Variants in COL24A1 observed in about 807,000 individuals in gnomAD.
COL24A1 encodes the protein collagen alpha-1(XXIV) chain.
In COL24A1, 224 loss-of-function variants were observed where a neutral mutation model predicts 253.9. The ratio of observed to expected loss-of-function variants is 0.88; its 90% CI spans 0.79 to 0.99. The LOEUF is 0.99. Among genes scored for constraint, COL24A1 ranks in the 50% least tolerant of loss-of-function variants. The pLI is 0.00. For missense variants in COL24A1, 2,131 were observed against 2,068.5 expected, an observed-to-expected ratio of 1.03 and a Z score of -0.59; for synonymous variants, 685 against 673.7, an observed-to-expected ratio of 1.02 and a Z score of -0.26.
chr1:85,787,380 C>T (rs1044969297), intron 47 of COL24A1, among the ~76,000 whole-genome samples: 1 of 152,142 alleles, frequency 6.6e-6, no homozygotes, highest in African/African-American at 2.4e-5. Context: ...CCACCTCCAC[C>T]AACAGGCCCC....
At chr1:85,836,355 A>G (rs1676005292) in intron 43 of COL24A1, among the ~76,000 whole-genome samples, 1 of 152,200 alleles carries the variant, frequency 6.6e-6, no homozygotes, top group Non-Finnish European at 1.5e-5. Flanking sequence ...ATGTCACTGA[A>G]TTGTAAAGTT....
At chr1:85,774,595 C>G (rs1668328994) in intron 53 of COL24A1, among the ~76,000 whole-genome samples, 1 of 152,086 alleles carries the variant, frequency 6.6e-6, no homozygotes, top group South Asian at 2.1e-4. Flanking sequence ...CTGGTTTAGT[C>G]TTGAGAGGGT....
intron 23 of COL24A1, among the ~76,000 whole-genome samples, chr1:85,963,786 A>G (rs1691299745): frequency 6.6e-6 from 1 of 152,204 alleles, no homozygotes; most frequent in Non-Finnish European, 1.5e-5. Flanking sequence ...AAGTATATAC[A>G]TAAATGAGAT....
chr1:85,896,478 C>T, intron 28 of COL24A1, 69 bp from the exon 29 acceptor site: 2 of 1,291,288 alleles, frequency 1.5e-6, no homozygotes, highest in Non-Finnish European at 2.2e-6. Context: ...AGTTATGTGT[C>T]CTCACAGATG....
intron 10 of COL24A1, among the ~76,000 whole-genome samples, chr1:86,052,831 G>T (rs1471470921): frequency 6.6e-6 from 1 of 151,940 alleles, no homozygotes; most frequent in Non-Finnish European, 1.5e-5. Context: ...CTTTTGGAAG[G>T]TTTTATTTCC....
chr1:85,814,869 A>G (rs1672903456), intron 47 of COL24A1, among the ~76,000 whole-genome samples: 2 of 152,202 alleles, frequency 1.3e-5, no homozygotes, highest in Non-Finnish European at 2.9e-5. Context: ...ACTCATATAT[A>G]GGATACTGGT....
intron 32 of COL24A1, among the ~76,000 whole-genome samples, chr1:85,885,397 A>ATATT (rs60994639): frequency 5.9e-4 from 76 of 128,912 alleles, no homozygotes; most frequent in African/African-American, 2.1e-3. Flanking sequence ...ATATATATAT[A>ATATT]TTTTTTTTTT....
intron 24 of COL24A1, among the ~76,000 whole-genome samples, chr1:85,957,284 C>A (rs982780338): frequency 2.0e-5 from 3 of 152,062 alleles, no homozygotes; most frequent in African/African-American, 7.2e-5. Flanking sequence ...GTGCAGCAAA[C>A]CACCATGGCA....
At chr1:86,069,997 A>G (rs901400232) in intron 7 of COL24A1, among the ~76,000 whole-genome samples, 4 of 152,230 alleles carry the variant, frequency 2.6e-5, no homozygotes, top group Non-Finnish European at 4.4e-5. Context: ...CACGGGGCCA[A>G]TTCTTGAGAA....
intron 5 of COL24A1, among the ~76,000 whole-genome samples, chr1:86,101,345 A>T (rs1190013568): frequency 6.6e-6 from 1 of 151,872 alleles, no homozygotes; most frequent in Non-Finnish European, 1.5e-5. Flanking sequence ...GGATAGTTTG[A>T]CTCCCTCTCT....
intron 19 of COL24A1, among the ~76,000 whole-genome samples, chr1:85,988,465 A>G (rs1027677079): frequency 6.6e-6 from 1 of 151,836 alleles, no homozygotes; most frequent in Non-Finnish European, 1.5e-5. Context: ...TCAGATTAAA[A>G]CTCTTGCTGA....
At chr1:86,112,455 A>C in intron 5 of COL24A1, 112 bp downstream of exon 5, 9 of 853,970 alleles carry the variant, frequency 1.1e-5, no homozygotes, top group East Asian at 2.6e-5. Context: ...TGGAGGTGAC[A>C]GAGATCCTTG....
intron 18 of COL24A1, among the ~76,000 whole-genome samples, chr1:86,021,084 C>T (rs1006129932): frequency 7.2e-5 from 11 of 152,072 alleles, no homozygotes; most frequent in Non-Finnish European, 7.4e-5. Context: ...GGGTAAAGTT[C>T]TGTAATTTAA....
chr1:85,770,993 G>A (rs6698578), intron 53 of COL24A1, among the ~76,000 whole-genome samples: 35,654 of 152,112 alleles, frequency 0.23, 4,737 homozygotes, highest in Admixed American at 0.3. Context: ...CCTGATGCCT[G>A]GCAAGGCAAA....
intron 24 of COL24A1, among the ~76,000 whole-genome samples, chr1:85,948,510 C>A (rs1298997018): frequency 1.3e-4 from 15 of 113,386 alleles, no homozygotes; most frequent in African/African-American, 4.8e-4. Context: ...GGCGACAGAG[C>A]GAGACTCCGT....
chr1:85,835,857 C>T (rs1675942387), intron 43 of COL24A1, among the ~76,000 whole-genome samples: 1 of 152,076 alleles, frequency 6.6e-6, no homozygotes, highest in African/African-American at 2.4e-5. Flanking sequence ...CACACTACCC[C>T]AAAATATGGC....
Position 86,033,873 on chromosome 1 carries a change from A to C in COL24A1, c.2001T>G (p.Ser667Arg). 3 of 1,604,238 alleles carry C rather than the reference A, an allele frequency of 1.9e-6. No individual in the cohort carries two copies. Among genetic ancestry groups the C allele is most frequent in the Non-Finnish European group, 2.6e-6 (3 of 1,176,070 alleles). Residue 667 changes from serine (S) to arginine (R), a missense_variant, in exon 13 of 60, where the codon AGT becomes AGG. Coordinates refer to ENST00000370571, the MANE Select transcript of COL24A1 (RefSeq NM_152890.7). ...TGAACCAACATAATGTACTCACAGG[A>C]CTGCCATCAAGACCAGCAGGGCCTC... ...GDRGPAGLDG[S>R]PGLVGGTGPP... is the part of the protein sequence containing the mutation.
At chr1:86,063,997 A>G (rs1003284517) in intron 7 of COL24A1, among the ~76,000 whole-genome samples, 16 of 151,976 alleles carry the variant, frequency 1.1e-4, no homozygotes, top group Non-Finnish European at 2.2e-4. Context: ...TATTTTAATG[A>G]CTTGTTATTA....
chr1:86,156,606 C>T lies in COL24A1; in HGVS notation c.-210G>A. 1 of 416,706 alleles carries T rather than the reference C, an allele frequency of 2.4e-6. No homozygotes were observed. The highest frequency in any genetic ancestry group is 5.1e-5 in the South Asian group (1 of 19,596). The allele number at this position is 416,706 out of a possible 1,614,324, so 25.8% of individuals were successfully genotyped here. On this transcript the variant is annotated 5_prime_UTR_variant, in exon 1 of 60. Transcript: ENST00000370571. ...CCGAAGGGGAGGACAGGCTTCCTAG[C>T]TCTCTGGCTCGGTAACGAACGAGCC...
Sources: allele counts gnomAD v4.1 joint callset (sites outside exome capture counted in the v4.1 genomes callset), GRCh38; gene constraint gnomAD v4.1.1; transcripts MANE v1.5; gene names NCBI Gene and HGNC (gene_info 2026-07-23, HGNC 2026-07-21).